The following GALNTL6 variants were observed in gnomAD, a reference collection of about 807,000 sequenced individuals.
GALNTL6 encodes polypeptide N-acetylgalactosaminyltransferase-like 6.
GALNTL6 carries 46 observed loss-of-function variants against 73.7 expected under a neutral mutation model. That is an observed-to-expected ratio of 0.62 (90% CI 0.49 to 0.80). The LOEUF is 0.80. Ranked by LOEUF, GALNTL6 falls within the 30% of genes least tolerant of loss-of-function variation. The probability of loss-of-function intolerance (pLI) is 0.00; values close to 1 mark genes in which losing one functional copy is unlikely to be tolerated. For synonymous variants in GALNTL6, 259 were observed against 263.7 expected (o/e 0.98, Z 0.17); for missense variants, 604 against 755.0 (o/e 0.80, Z 2.34).
chr4:172,492,586 C>T (rs950244234), intron 5 of GALNTL6, among the ~76,000 whole-genome samples: 2 of 152,050 alleles, frequency 1.3e-5, no homozygotes, highest in African/African-American at 2.4e-5. Context: ...AACACATGCT[C>T]GCAGTATAAT....
At chr4:171,840,846 C>T (rs767545603) in intron 2 of GALNTL6, among the ~76,000 whole-genome samples, 8 of 152,000 alleles carry the variant, frequency 5.3e-5, no homozygotes, top group Non-Finnish European at 1.0e-4. Flanking sequence ...TTAACTTTTC[C>T]TCCTGGCCCC....
chr4:172,866,618 C>T (rs946886206), intron 7 of GALNTL6, among the ~76,000 whole-genome samples: 2 of 152,166 alleles, frequency 1.3e-5, no homozygotes, highest in African/African-American at 2.4e-5. Flanking sequence ...GGTCCCTCCG[C>T]TCAACCAGCC....
intron 2 of GALNTL6, among the ~76,000 whole-genome samples, chr4:171,818,503 G>A (rs1255910990): frequency 1.1e-5 from 1 of 89,884 alleles, no homozygotes; most frequent in African/African-American, 4.1e-5. Flanking sequence ...CAAAATCTTA[G>A]AATTTTAAAA....
chr4:172,035,157 A>G (rs1560894331), intron 2 of GALNTL6, among the ~76,000 whole-genome samples: 1 of 152,140 alleles, frequency 6.6e-6, no homozygotes, highest in Non-Finnish European at 1.5e-5. Context: ...TCAAAATAGT[A>G]TAAAGTAAGT....
chr4:172,116,669 T>C (rs953746804), intron 2 of GALNTL6, among the ~76,000 whole-genome samples: 1 of 152,180 alleles, frequency 6.6e-6, no homozygotes, highest in African/African-American at 2.4e-5. Context: ...TCCAATCACA[T>C]ATGAAAATAC....
chr4:171,873,653 A>G (rs978770514), intron 2 of GALNTL6, among the ~76,000 whole-genome samples: 3 of 152,174 alleles, frequency 2.0e-5, no homozygotes, highest in South Asian at 2.1e-4. Context: ...GTGATTTATC[A>G]ATACTTCTAC....
intron 10 of GALNTL6, among the ~76,000 whole-genome samples, chr4:172,964,118 T>C (rs1395837468): frequency 6.6e-6 from 1 of 152,210 alleles, no homozygotes; most frequent in Non-Finnish European, 1.5e-5. Context: ...CCCCATGCTA[T>C]GTTGGATAGG....
chr4:172,802,122 T>C (rs1740683572), intron 5 of GALNTL6, among the ~76,000 whole-genome samples: 1 of 152,206 alleles, frequency 6.6e-6, no homozygotes, highest in African/African-American at 2.4e-5. Context: ...ATTCCTGCTG[T>C]GTCCTTTAAT....
chr4:172,197,369 A>G (rs967826398), intron 2 of GALNTL6, among the ~76,000 whole-genome samples: 11 of 152,210 alleles, frequency 7.2e-5, no homozygotes, highest in African/African-American at 2.7e-4. Flanking sequence ...ATACTGCCCA[A>G]AGTAATTCAT....
At chr4:172,257,663 G>A (rs1006053833) in intron 3 of GALNTL6, among the ~76,000 whole-genome samples, 1 of 151,254 alleles carries the variant, frequency 6.6e-6, no homozygotes, top group Non-Finnish European at 1.5e-5. Context: ...GCTCATTTGT[G>A]CAAGATTGAC....
chr4:172,463,295 A>T (rs1435473684), intron 5 of GALNTL6, among the ~76,000 whole-genome samples: 2 of 151,946 alleles, frequency 1.3e-5, no homozygotes, highest in Non-Finnish European at 2.9e-5. Context: ...GGAGCATAGG[A>T]TGACACTAAA....
At chr4:172,138,666 A>G (rs2111033763) in intron 2 of GALNTL6, among the ~76,000 whole-genome samples, 1 of 148,364 alleles carries the variant, frequency 6.7e-6, no homozygotes, top group Middle Eastern at 3.5e-3. Context: ...AGTAGCTGCG[A>G]CTACAGGTGC....
In GALNTL6 at chr4:172,466,258, C is replaced by G. The variant is rs566272131; in HGVS notation, c.553+117569C>G. 5.1e-4 allele frequency among the ~76,000 whole-genome samples: 78 copies of G among 152,166 alleles called. 3 individuals carry two copies. The South Asian group carries it at 0.016, about 31-fold the overall frequency. On this transcript the variant is annotated intron_variant, in intron 5 of 12. Transcript: ENST00000506823. ...TTTACATAAATAAAATATAAATTAA[C>G]TTAAAATTTATTTTTGAAAATGTAC... is the stretch of plus-strand genomic sequence containing the variant.
chr4:172,331,442 A>G (rs919412971), intron 4 of GALNTL6, among the ~76,000 whole-genome samples: 3 of 152,150 alleles, frequency 2.0e-5, no homozygotes, highest in Non-Finnish European at 4.4e-5. Context: ...ACAATACATT[A>G]TTGTTGATTA....
At chr4:172,683,254 G>C (rs1227832879) in intron 5 of GALNTL6, among the ~76,000 whole-genome samples, 1 of 152,198 alleles carries the variant, frequency 6.6e-6, no homozygotes, top group East Asian at 1.9e-4. Flanking sequence ...TTGGATCATT[G>C]TAGTCAGTGG....
In GALNTL6 at chr4:172,170,402, C is replaced by T. The variant is rs559694261; in HGVS notation, c.139-59254C>T. Among the ~76,000 whole-genome samples, 33 of 152,016 alleles carry T rather than the reference C, an allele frequency of 2.2e-4. No homozygotes were observed. In the South Asian group the frequency reaches 3.3e-3, roughly 15 times the overall value. ...TGTTGCCTGTCTCCCCTTCACCTTT[C>T]GCCATGATTGTAAGTTTCCTGAGTC... is the stretch of plus-strand genomic sequence containing the variant. On this transcript the variant is annotated intron_variant, in intron 2 of 12. Transcript: ENST00000506823.
chr4:172,812,178 C>T (rs1193205142), intron 6 of GALNTL6, among the ~76,000 whole-genome samples: 3 of 152,104 alleles, frequency 2.0e-5, no homozygotes, highest in Non-Finnish European at 4.4e-5. Flanking sequence ...CGAAATAAAG[C>T]CACTTCTTAT....
At chr4:171,826,701 G>A (rs10027752) in intron 2 of GALNTL6, among the ~76,000 whole-genome samples, 44,959 of 152,016 alleles carry the variant, frequency 0.3, 7,792 homozygotes, top group African/African-American at 0.49. Context: ...ACACTCCTAC[G>A]GAAAACGGTC....
chr4:172,902,831 C>T (rs1336879632), intron 8 of GALNTL6, among the ~76,000 whole-genome samples: 1 of 152,174 alleles, frequency 6.6e-6, no homozygotes, highest in East Asian at 1.9e-4. Context: ...ATTCATTCAA[C>T]AGACATCTAC....
Sources: gnomAD v4.1 joint callset for allele counts (sites outside exome capture counted in the v4.1 genomes callset) on GRCh38, gnomAD v4.1.1 for gene constraint, MANE v1.5 for transcripts, NCBI Gene and HGNC (gene_info 2026-07-23, HGNC 2026-07-21) for gene names.